The following HDAC4 variants were observed in gnomAD, a reference collection of about 807,000 sequenced individuals.
HDAC4 encodes the protein histone deacetylase A.
A neutral mutation model predicts 135.1 loss-of-function variants in HDAC4; 16 were observed. The ratio of observed to expected loss-of-function variants is 0.12; its 90% confidence interval spans 0.08 to 0.18. HDAC4 has a LOEUF of 0.18. HDAC4 is among the 10% of genes least tolerant of loss of function. The pLI, the probability that HDAC4 is intolerant of heterozygous loss-of-function variation, is 1.00. For synonymous variants in HDAC4, 685 were observed against 653.4 expected, an observed-to-expected ratio of 1.05 and a Z score of -0.74; for missense variants, 1,143 against 1,511.8, an observed-to-expected ratio of 0.76 and a Z score of 4.05.
At chr2:239,062,233 C>T (rs554790852) in intron 24 of HDAC4, among the ~76,000 whole-genome samples, 47 of 152,390 alleles carry the variant, frequency 3.1e-4, no homozygotes, top group African/African-American at 8.7e-4. Flanking sequence ...ACAGAGGGGT[C>T]GCTCTGATAG....
chr2:239,086,554 G>C (rs950018599), intron 19 of HDAC4, among the ~76,000 whole-genome samples: 8 of 152,218 alleles, frequency 5.3e-5, no homozygotes, highest in African/African-American at 1.7e-4. Context: ...TCTCCTCCCT[G>C]TACGTGAAGG....
intron 22 of HDAC4, among the ~76,000 whole-genome samples, chr2:239,076,754 G>A (rs888279051): frequency 3.9e-5 from 6 of 152,214 alleles, no homozygotes; most frequent in African/African-American, 1.4e-4. Context: ...GGGGCCTCCA[G>A]GTGGAGATGC....
chr2:239,090,151 C>T, intron 17 of HDAC4, 35 bp from the exon 18 acceptor site: 1 of 1,467,846 alleles, frequency 6.8e-7, no homozygotes, highest in Non-Finnish European at 9.5e-7. Flanking sequence ...AGGTCACCCT[C>T]CCAGGCCACC....
chr2:239,114,450 C>A lies in HDAC4; in HGVS notation c.1791+603G>T, dbSNP rs1020241249. Among the ~76,000 whole-genome samples, 52 of 152,322 alleles carry A rather than the reference C, an allele frequency of 3.4e-4. 1 individual carries two copies. Among genetic ancestry groups the A allele is most frequent in the African/African-American group, 1.2e-3 (51 of 41,578 alleles). ...GGGGCTCCAGCTGGCTGCCCAAATG[C>A]CTTAGGTATTTCTGCTGACTCAGAA... On this transcript the variant is annotated intron_variant, in intron 13 of 26. Transcript: ENST00000543185.
chr2:239,126,521 G>A lies in HDAC4; in HGVS notation c.1468C>T (p.Gln490Ter). 1 of 1,613,522 alleles carries A rather than the reference G, an allele frequency of 6.2e-7. No individual in the cohort carries two copies. The highest frequency in any genetic ancestry group is 8.5e-7 in the Non-Finnish European group (1 of 1,179,796). Residue 490 changes from glutamine (Q) to a stop codon, truncating the protein, a stop_gained, in exon 12 of 27, where the codon CAG (glutamine) becomes TAG (stop). Coordinates refer to ENST00000543185, the MANE Select transcript of HDAC4 (RefSeq NM_001378414.1). LOFTEE classifies it high-confidence loss of function. ...QALQHLVIQQQHQQFLEKHKQ... is the reference protein window; with the variant it reads ...QALQHLVIQQ ...TGTTTCTCCAGAAACTGCTGATGCT[G>A]CTGCTGGATGACCAGGTGCTGCAGA...
At position 239,068,806 on chromosome 2, in the gene HDAC4, G is replaced by A; in HGVS notation, c.2751-199C>T. On this transcript the variant is annotated intron_variant, in intron 22 of 26. Coordinates refer to ENST00000543185, the MANE Select transcript of HDAC4 (RefSeq NM_001378414.1). The surrounding 1 kb of genome is among the most constrained non-coding windows in gnomAD (Gnocchi z 4.4). ...GGGAATCAACCCACGTGTGATCCAG[G>A]CTCATTTCACATCTTCACAGTGCAA... The A allele has an allele frequency of 1.6e-6, 1 of 643,792 alleles. No individual in the cohort carries two copies. The highest frequency in any genetic ancestry group is 2.9e-6 in the Non-Finnish European group (1 of 348,774). 39.9% of individuals were successfully genotyped at this position (643,792 alleles called of 1,614,324 possible).
At chr2:239,281,385 A>T (rs2050735339) in intron 2 of HDAC4, among the ~76,000 whole-genome samples, 1 of 112,618 alleles carries the variant, frequency 8.9e-6, no homozygotes, top group Non-Finnish European at 2.1e-5. Context: ...CACACCATGT[A>T]CATGCCACTC....
intron 4 of HDAC4, among the ~76,000 whole-genome samples, chr2:239,178,822 G>A (rs937888534): frequency 6.6e-6 from 1 of 152,244 alleles, no homozygotes; most frequent in South Asian, 2.1e-4. Context: ...TGAATCAGGG[G>A]CTCCGGGCTG....
upstream of HDAC4, chr2:239,401,392 T>G (rs1159892306): frequency 6.3e-6 from 1 of 159,354 alleles, no homozygotes; most frequent in Non-Finnish European, 1.4e-5. Flanking sequence ...TTCTAGAGGG[T>G]GGGGCGTACC....
chr2:239,078,152 C>T (rs560120358), intron 22 of HDAC4, among the ~76,000 whole-genome samples: 1 of 152,176 alleles, frequency 6.6e-6, no homozygotes, highest in Non-Finnish European at 1.5e-5. Context: ...CCTACAAGCC[C>T]CCACCCCCAG....
At chr2:239,160,433 G>A (rs776725747) in intron 6 of HDAC4, among the ~76,000 whole-genome samples, 5 of 152,310 alleles carry the variant, frequency 3.3e-5, no homozygotes, top group South Asian at 4.1e-4. Context: ...AGCTGGAAGC[G>A]GTGACTCACG....
intron 16 of HDAC4, among the ~76,000 whole-genome samples, chr2:239,096,732 G>A (rs1211377487): frequency 3.2e-5 from 3 of 94,716 alleles, no homozygotes; most frequent in African/African-American, 1.3e-4. Flanking sequence ...CACCCCCCAC[G>A]GACATCCACA....
intron 3 of HDAC4, 84 bp downstream of exon 3, chr2:239,236,509 A>G (rs1200881835): frequency 8.9e-7 from 1 of 1,118,142 alleles, no homozygotes; most frequent in Non-Finnish European, 1.3e-6. Context: ...CCCTCTCTGC[A>G]CTCCTCCAAT....
intron 2 of HDAC4, among the ~76,000 whole-genome samples, chr2:239,290,399 T>C (rs1023521638): frequency 3.3e-5 from 5 of 152,174 alleles, no homozygotes; most frequent in African/African-American, 4.8e-5. Flanking sequence ...CCAGCACCAA[T>C]GAGTGGCCCA....
intron 2 of HDAC4, among the ~76,000 whole-genome samples, chr2:239,244,811 T>C (rs1407822251): frequency 6.6e-6 from 1 of 152,098 alleles, no homozygotes; most frequent in Non-Finnish European, 1.5e-5. Flanking sequence ...CCCTCCACTG[T>C]GCGGCCCACA....
chr2:239,321,192 G>A (rs1336242073), intron 2 of HDAC4, among the ~76,000 whole-genome samples: 1 of 152,148 alleles, frequency 6.6e-6, no homozygotes, highest in Non-Finnish European at 1.5e-5. Flanking sequence ...GCAGCCAGGC[G>A]CAGTGGCTCA....
chr2:239,300,241 T>G (rs944900668), intron 2 of HDAC4, among the ~76,000 whole-genome samples: 3 of 152,226 alleles, frequency 2.0e-5, no homozygotes, highest in Non-Finnish European at 4.4e-5. Flanking sequence ...AGATGAAGCC[T>G]CATCCATTCA....
chr2:239,107,656 G>T (rs1053708537), intron 15 of HDAC4, among the ~76,000 whole-genome samples: 1 of 152,206 alleles, frequency 6.6e-6, no homozygotes, highest in Non-Finnish European at 1.5e-5. Context: ...AGATATAATC[G>T]GATCTCCCCG....
At chr2:239,082,966 C>T (rs2035498096) in intron 20 of HDAC4, among the ~76,000 whole-genome samples, 1 of 152,228 alleles carries the variant, frequency 6.6e-6, no homozygotes, top group Non-Finnish European at 1.5e-5. Context: ...CTGATGTTCC[C>T]AGCACGAGAA....
Sources: allele counts gnomAD v4.1 joint callset (sites outside exome capture counted in the v4.1 genomes callset), GRCh38; gene constraint gnomAD v4.1.1; non-coding constraint Gnocchi (gnomAD v3.1); transcripts MANE v1.5; gene names NCBI Gene and HGNC (gene_info 2026-07-23, HGNC 2026-07-21).